Variants in SF3A3 observed in about 807,000 individuals in gnomAD.
SF3A3 encodes the protein SAP 61.
In SF3A3, 9 loss-of-function variants were observed where a neutral mutation model predicts 85.8. The ratio of observed to expected loss-of-function variants is 0.10; its 90% CI spans 0.06 to 0.18. The LOEUF (loss-of-function observed/expected upper bound fraction) is 0.18. Among genes scored for constraint, SF3A3 ranks in the 10% least tolerant of loss-of-function variants. SF3A3 has a pLI of 1.00. For synonymous variants in SF3A3, 195 were observed against 204.4 expected (o/e 0.95, Z 0.39); for missense variants, 306 against 593.3 (o/e 0.52, Z 5.03).
At chr1:37,961,693 T>C (rs558134596) in intron 15 of SF3A3, among the ~76,000 whole-genome samples, 2 of 142,076 alleles carry the variant, frequency 1.4e-5, no homozygotes, top group East Asian at 4.3e-4. Context: ...GACCCTGTCA[T>C]ATTCTTTGCC....
In SF3A3 at chr1:37,957,911, G is replaced by T; in HGVS notation, c.*275C>A. 2.6e-6 allele frequency: 1 copy of T among 391,382 alleles called. No homozygotes were observed. The allele number at this position is 391,382 out of a possible 1,614,324, so 24.2% of individuals were successfully genotyped here. A position where few individuals can be genotyped will look rare whatever the true frequency, so the allele number is the denominator to read the frequency against. Reference sequence around the variant, plus strand: ...GTAAAGTTGGTGAGGAAGAGGTATGGAGGCGTTAAGACCTGAAGCACTGAG... The same window carrying T: ...GTAAAGTTGGTGAGGAAGAGGTATGTAGGCGTTAAGACCTGAAGCACTGAG... On this transcript the variant is annotated 3_prime_UTR_variant, in exon 17 of 17. Coordinates refer to ENST00000373019, the MANE Select transcript of SF3A3 (RefSeq NM_006802.4).
chr1:37,979,395 G>C (rs1035900783), intron 9 of SF3A3, 70 bp downstream of exon 9: 7 of 1,151,670 alleles, frequency 6.1e-6, no homozygotes, highest in Non-Finnish European at 9.1e-6. Context: ...TGGTATTAAA[G>C]ACAGGAGAGC....
rs974527600 is a variant in SF3A3 at position 37,957,718 on chromosome 1, C to A, written c.*468G>T. The A allele has an allele frequency of 1.9e-5, 3 of 155,016 alleles. No individual in the cohort carries two copies. Among genetic ancestry groups the A allele is most frequent in the African/African-American group, 7.2e-5 (3 of 41,462 alleles). The allele number at this position is 155,016 out of a possible 1,614,324, so 9.6% of individuals were successfully genotyped here. On this transcript the variant is annotated 3_prime_UTR_variant, in exon 17 of 17. Coordinates refer to ENST00000373019, the MANE Select transcript of SF3A3 (RefSeq NM_006802.4). ...AGCAACCCTGGCTCATCCTCCTAGT[C>A]TTTCCCTAGTATTTGCATCAATGGC...
At chr1:37,989,758 G>A in intron 1 of SF3A3, 112 bp downstream of exon 1, 1 of 1,220,672 alleles carries the variant, frequency 8.2e-7, no homozygotes, top group Non-Finnish European at 1.2e-6. Context: ...AGCTCGGAGA[G>A]GGAGCCCGGA....
At chr1:37,983,203 G>C (rs1015630135) in intron 6 of SF3A3, among the ~76,000 whole-genome samples, 1 of 148,652 alleles carries the variant, frequency 6.7e-6, no homozygotes, top group Non-Finnish European at 1.5e-5. Flanking sequence ...CTCCCAAAGT[G>C]CTAGGATTAC....
At chr1:37,972,645 A>C (rs1570460862) in intron 12 of SF3A3, among the ~76,000 whole-genome samples, 2 of 152,216 alleles carry the variant, frequency 1.3e-5, no homozygotes. Context: ...ACAGTAACCA[A>C]AACAGCATGG....
intron 7 of SF3A3, 111 bp downstream of exon 7, chr1:37,981,618 G>T: frequency 1.4e-6 from 1 of 738,338 alleles, no homozygotes; most frequent in Non-Finnish European, 2.4e-6. Flanking sequence ...AAACCTGGAA[G>T]TATGCCTTCA....
Position 37,967,411 on chromosome 1 carries a change from G to A in SF3A3, c.1372+633C>T, listed in dbSNP as rs189676933. On this transcript the variant is annotated intron_variant, in intron 15 of 16. Transcript: ENST00000373019. The stretch of plus-strand genomic sequence containing the variant: ...ATACAAAAAATTAGCCAGGTGTGGC[G>A]GCTCATGCCTGTAATCCCAGCACTT... Among the ~76,000 whole-genome samples the A allele has an allele frequency of 4.3e-4, 66 of 151,908 alleles. No homozygotes were observed. In the East Asian group the frequency reaches 0.012, roughly 27 times the overall value.
At chr1:37,983,987 T>C (rs190744866) in intron 6 of SF3A3, 182 bp downstream of exon 6, 24 of 443,526 alleles carry the variant, frequency 5.4e-5, no homozygotes, top group Admixed American at 1.6e-4. Flanking sequence ...GTTTTCACTG[T>C]AGAAAACTTT....
At chr1:37,989,836 C>T in intron 1 of SF3A3, 34 bp downstream of exon 1, 5 of 1,528,992 alleles carry the variant, frequency 3.3e-6, no homozygotes, top group Non-Finnish European at 4.5e-6. Context: ...GAGGCTCGTG[C>T]TCCTGCCGCA....
At chr1:37,979,803 T>C (rs1420349686) in intron 8 of SF3A3, among the ~76,000 whole-genome samples, 1 of 152,052 alleles carries the variant, frequency 6.6e-6, no homozygotes, top group Admixed American at 6.6e-5. Flanking sequence ...GCTGCAGCAG[T>C]GAGGTATGAT....
Position 37,961,783 on chromosome 1 carries a change from A to AAAAAAAAAAAT in SF3A3, c.1373-1609_1373-1608insATTTTTTTTTT, listed in dbSNP as rs1646261010. Among the ~76,000 whole-genome samples the AAAAAAAAAAAT allele has an allele frequency of 3.7e-5, 5 of 134,298 alleles. No individual in the cohort carries two copies. In the East Asian group the frequency reaches 1.1e-3, roughly 31 times the overall value. The allele number at this position is 134,298 out of a possible 152,430, so 88.1% of individuals were successfully genotyped here. A position where few individuals can be genotyped will look rare whatever the true frequency, so the allele number is the denominator to read the frequency against. The stretch of plus-strand genomic sequence containing the variant: ...CCAAAAAAAAAAAAAAAAAAAAAAA[A>AAAAAAAAAAAT]GAAAGAAAGAAAAAAAGGCCGGGCG... On this transcript the variant is annotated intron_variant, in intron 15 of 16. Coordinates refer to ENST00000373019, the MANE Select transcript of SF3A3 (RefSeq NM_006802.4).
At chr1:37,976,825 C>T (rs1399033300) in intron 12 of SF3A3, 59 bp downstream of exon 12, 2 of 1,053,594 alleles carry the variant, frequency 1.9e-6, no homozygotes, top group Non-Finnish European at 1.5e-6. Context: ...CTGTGAGTTC[C>T]TCTCCCTTTA....
intron 8 of SF3A3, among the ~76,000 whole-genome samples, chr1:37,980,321 G>A (rs1047894431): frequency 6.6e-6 from 1 of 152,054 alleles, no homozygotes; most frequent in Non-Finnish European, 1.5e-5. Flanking sequence ...TTACTCGGGA[G>A]GCTGAGGCAG....
intron 16 of SF3A3, among the ~76,000 whole-genome samples, chr1:37,958,812 G>A (rs1384191664): frequency 6.6e-6 from 1 of 152,158 alleles, no homozygotes; most frequent in Non-Finnish European, 1.5e-5. Context: ...AAAAAGGGAG[G>A]CTATTGTCAG....
chr1:37,982,944 T>A (rs1274264027), intron 6 of SF3A3, among the ~76,000 whole-genome samples: 1 of 151,816 alleles, frequency 6.6e-6, no homozygotes, highest in Non-Finnish European at 1.5e-5. Context: ...AAAAAAATTT[T>A]TTTTTTTGAG....
In SF3A3 at chr1:37,979,009, G is replaced by A; in HGVS notation, c.806C>T (p.Ala269Val). Residue 269 changes from alanine to valine, a missense_variant, in exon 10 of 17, where the codon GCT (alanine) becomes GTT (valine). By Grantham distance (64) the Ala-to-Val change is moderately conservative (BLOSUM62 0). Transcript: ENST00000373019. Reference sequence around the variant, plus strand: ...TTACCCGCCACATTTCAAGCCTAAAGCTAAGAGAGCAGATTTCAATCTGTC... The same window carrying A: ...TTACCCGCCACATTTCAAGCCTAAAACTAAGAGAGCAGATTTCAATCTGTC... ...GLDRLKSALLALGLKCGGTLE... is the reference protein window; with the variant it reads ...GLDRLKSALLVLGLKCGGTLE... 6.2e-7 allele frequency: 1 copy of A among 1,613,980 alleles called. No homozygotes were observed. The highest frequency in any genetic ancestry group is 8.5e-7 in the Non-Finnish European group (1 of 1,179,850).
chr1:37,964,049 C>G (rs1157783509), intron 15 of SF3A3, among the ~76,000 whole-genome samples: 1 of 151,628 alleles, frequency 6.6e-6, no homozygotes, highest in South Asian at 2.1e-4. Flanking sequence ...TGTGGTGGCG[C>G]ACGCCTGTAG....
intron 8 of SF3A3, among the ~76,000 whole-genome samples, chr1:37,980,199 C>T (rs866002053): frequency 2.1e-4 from 32 of 152,178 alleles, no homozygotes; most frequent in African/African-American, 7.0e-4. Context: ...CCGAGGTGGG[C>T]GGATCACCTG....
Sources: allele counts gnomAD v4.1 joint callset (sites outside exome capture counted in the v4.1 genomes callset), GRCh38; gene constraint gnomAD v4.1.1; transcripts MANE v1.5; gene names NCBI Gene and HGNC (gene_info 2026-07-23, HGNC 2026-07-21).